The following CNOT10 variants were observed in gnomAD, a reference collection of about 807,000 sequenced individuals.
CNOT10 encodes the protein CCR4-NOT transcription complex, subunit 10.
Under a neutral mutation model 94.6 loss-of-function variants are expected in CNOT10, and 30 were observed. The ratio of observed to expected loss-of-function variants is 0.32; its 90% CI spans 0.24 to 0.43. CNOT10 has a LOEUF of 0.43. Among genes scored for constraint, CNOT10 ranks in the 20% least tolerant of loss-of-function variants. CNOT10 has a pLI of 1.00. For synonymous variants in CNOT10, 289 were observed against 301.6 expected, an observed-to-expected ratio of 0.96 and a Z score of 0.43; for missense variants, 759 against 877.2, an observed-to-expected ratio of 0.87 and a Z score of 1.70.
chr3:32,724,130 GA>G lies in CNOT10; in HGVS notation c.863-1315del, dbSNP rs543937741. Among the ~76,000 whole-genome samples, 811 of 151,852 alleles carry G rather than the reference GA, an allele frequency of 5.3e-3. 14 individuals carry two copies. The highest frequency in any genetic ancestry group is 0.019 in the African/African-American group (780 of 41,452). ...TGAAAGACAAGAGGCAACACAGGCT[GA>G]AAAATACAAATTCCCAAACATGAAA... On this transcript the variant is annotated intron_variant, in intron 8 of 18. Transcript: ENST00000328834.
intron 2 of CNOT10, 140 bp from the exon 3 acceptor site, chr3:32,704,671 G>A: frequency 5.6e-6 from 5 of 888,358 alleles, no homozygotes; most frequent in Non-Finnish European, 3.3e-6. Context: ...TAGTGACTTT[G>A]ATTAGTATAT....
At chr3:32,740,390 C>T (rs1699408816) in intron 13 of CNOT10, among the ~76,000 whole-genome samples, 2 of 151,880 alleles carry the variant, frequency 1.3e-5, no homozygotes, top group African/African-American at 2.4e-5. Flanking sequence ...ACCGGGGAGG[C>T]GGAGGGAGGT....
Position 32,753,396 on chromosome 3 carries a change from T to A in CNOT10, c.1596-6062T>A, listed in dbSNP as rs1430199743. ...ACGATCAAGAATGTTCAAAGAATGATGTAAATGTGGAATTTTCAGAAAAGG... is the reference window on the plus strand; with the variant it reads ...ACGATCAAGAATGTTCAAAGAATGAAGTAAATGTGGAATTTTCAGAAAAGG... On this transcript the variant is annotated intron_variant, in intron 13 of 18. Coordinates refer to ENST00000328834, the MANE Select transcript of CNOT10 (RefSeq NM_015442.3). 3 of 1,411,158 alleles carry A rather than the reference T, an allele frequency of 2.1e-6. No homozygotes were observed. The East Asian group carries it at 6.9e-5, about 32-fold the overall frequency. The allele number at this position is 1,411,158 out of a possible 1,614,324, so 87.4% of individuals were successfully genotyped here.
In CNOT10 at chr3:32,773,657, T is replaced by C; in HGVS notation, c.*46T>C. The stretch of plus-strand genomic sequence containing the variant: ...GTTACCTGAGACCCAGGGGAGAATT[T>C]ACTGGCCATTTTAGTTGTATCACAG... On this transcript the variant is annotated 3_prime_UTR_variant, in exon 19 of 19. Transcript: ENST00000328834. 1.9e-6 allele frequency: 3 copies of C among 1,551,546 alleles called. No individual in the cohort carries two copies. The highest frequency in any genetic ancestry group is 2.6e-6 in the Non-Finnish European group (3 of 1,144,256).
At chr3:32,732,606 GA>G (rs537658250) in intron 10 of CNOT10, among the ~76,000 whole-genome samples, 68 of 144,120 alleles carry the variant, frequency 4.7e-4, no homozygotes, top group South Asian at 1.7e-3. Context: ...AAAAAGAAAG[GA>G]AAAAAAAAAA....
At chr3:32,708,864 C>T (rs915615829) in intron 4 of CNOT10, 44 bp downstream of exon 4, 2 of 1,519,354 alleles carry the variant, frequency 1.3e-6, no homozygotes, top group East Asian at 2.3e-5. Context: ...CTTCCCTATA[C>T]TTGCAGAATT....
chr3:32,716,829 T>G (rs1698146478), intron 6 of CNOT10, among the ~76,000 whole-genome samples: 1 of 152,130 alleles, frequency 6.6e-6, no homozygotes, highest in South Asian at 2.1e-4. Flanking sequence ...TTTGTATTTT[T>G]AGTAGAGACA....
chr3:32,743,525 A>G (rs112334679), intron 13 of CNOT10, among the ~76,000 whole-genome samples: 9,314 of 152,012 alleles, frequency 0.061, 328 homozygotes, highest in African/African-American at 0.09. Context: ...TCCCAGCTAC[A>G]CGGGAGGCTG....
At chr3:32,695,762 T>C (rs748995522) in intron 1 of CNOT10, 31 of 1,535,894 alleles carry the variant, frequency 2.0e-5, no homozygotes, top group African/African-American at 2.7e-5. Context: ...ACTCTTTCAA[T>C]TGGCAACGGA....
chr3:32,769,405 A>T (rs147519249), intron 17 of CNOT10: 2 of 164,340 alleles, frequency 1.2e-5, no homozygotes, highest in East Asian at 1.7e-4. Flanking sequence ...TAAACTAGTA[A>T]ATTATTTTAT....
At chr3:32,762,699 A>G (rs1559518026) in intron 14 of CNOT10, 34 bp from the exon 15 acceptor site, 1 of 1,575,022 alleles carries the variant, frequency 6.3e-7, no homozygotes, top group African/African-American at 1.4e-5. Context: ...GTGACGTTGT[A>G]CTTTTCAGTT....
At chr3:32,769,621 C>T in intron 17 of CNOT10, 1 of 378,728 alleles carries the variant, frequency 2.6e-6, no homozygotes, top group Non-Finnish European at 4.9e-6. Context: ...GTTGTGAAAG[C>T]CACCAGCAGA....
At chr3:32,706,340 A>G (rs1300367987) in intron 3 of CNOT10, among the ~76,000 whole-genome samples, 1 of 152,184 alleles carries the variant, frequency 6.6e-6, no homozygotes, top group Non-Finnish European at 1.5e-5. Flanking sequence ...CTTTTTTTGA[A>G]TAAGCAATTC....
chr3:32,691,026 C>T (rs1202111389), intron 1 of CNOT10, among the ~76,000 whole-genome samples: 3 of 131,144 alleles, frequency 2.3e-5, no homozygotes, highest in African/African-American at 8.7e-5. Flanking sequence ...GATGGAGTCT[C>T]ACTCTGTTGC....
At chr3:32,746,856 A>AG (rs1699723724) in intron 13 of CNOT10, among the ~76,000 whole-genome samples, 2 of 141,094 alleles carry the variant, frequency 1.4e-5, no homozygotes, top group Admixed American at 7.2e-5. Flanking sequence ...AAAAAAAAAA[A>AG]AGATATGCAC....
chr3:32,685,521 G>C (rs1239389711), intron 1 of CNOT10, 39 bp downstream of exon 1: 4 of 1,548,772 alleles, frequency 2.6e-6, no homozygotes, highest in Non-Finnish European at 3.5e-6. Flanking sequence ...ACGGCGGGAC[G>C]TGCGGGGCCG....
At chr3:32,724,079 C>T (rs1053145990) in intron 8 of CNOT10, among the ~76,000 whole-genome samples, 2 of 151,690 alleles carry the variant, frequency 1.3e-5, no homozygotes, top group African/African-American at 2.4e-5. Flanking sequence ...GACCCTGTCT[C>T]AGAGAAAGAA....
intron 6 of CNOT10, among the ~76,000 whole-genome samples, 172 bp downstream of exon 6, chr3:32,716,483 T>A (rs1698125969): frequency 6.6e-6 from 1 of 152,220 alleles, no homozygotes; most frequent in Non-Finnish European, 1.5e-5. Flanking sequence ...TACATTTTTC[T>A]TAAGAGGATA....
At chr3:32,689,221 C>T (rs1187507242) in intron 1 of CNOT10, among the ~76,000 whole-genome samples, 2 of 151,924 alleles carry the variant, frequency 1.3e-5, no homozygotes, top group Non-Finnish European at 2.9e-5. Context: ...GTCGTGGTGG[C>T]AGACGCCTGT....
Sources: allele counts gnomAD v4.1 joint callset (sites outside exome capture counted in the v4.1 genomes callset), GRCh38; gene constraint gnomAD v4.1.1; transcripts MANE v1.5; gene names NCBI Gene and HGNC (gene_info 2026-07-23, HGNC 2026-07-21).